BMERB1: variants seen among roughly 807,000 people sequenced by gnomAD.
The protein encoded by BMERB1 is bMERB domain-containing protein 1.
Under a neutral mutation model 23.6 loss-of-function variants are expected in BMERB1, and 12 were observed. That is an observed-to-expected ratio of 0.51 (90% CI 0.33 to 0.82). The LOEUF (loss-of-function observed/expected upper bound fraction) is 0.82. Ranked by LOEUF, BMERB1 falls within the 40% of genes least tolerant of loss-of-function variation. The pLI is 0.03. For missense variants in BMERB1, 247 were observed against 255.4 expected (o/e 0.97, Z 0.22); for synonymous variants, 122 against 96.6 (o/e 1.26, Z -1.54).
At chr16:15,511,279 T>A (rs2051661351) in intron 1 of BMERB1, among the ~76,000 whole-genome samples, 1 of 152,108 alleles carries the variant, frequency 6.6e-6, no homozygotes, top group Admixed American at 6.6e-5. Context: ...TCCTTCCTGC[T>A]TCTCTTTGAC....
chr16:15,513,359 C>G (rs1478492017), intron 1 of BMERB1, among the ~76,000 whole-genome samples: 1 of 152,064 alleles, frequency 6.6e-6, no homozygotes, highest in South Asian at 2.1e-4. Flanking sequence ...AAATAGAAAA[C>G]CGCCCCGCCT....
intron 2 of BMERB1, among the ~76,000 whole-genome samples, chr16:15,562,715 G>C (rs950877255): frequency 2.0e-5 from 3 of 152,106 alleles, no homozygotes; most frequent in Non-Finnish European, 4.4e-5. Context: ...AATGTTCCTG[G>C]GGACCAAGAT....
chr16:15,522,652 C>T (rs775912023), intron 2 of BMERB1, among the ~76,000 whole-genome samples: 10 of 152,166 alleles, frequency 6.6e-5, no homozygotes, highest in Non-Finnish European at 1.3e-4. Context: ...TGTACAGTTT[C>T]CATGAAATAG....
At chr16:15,580,243 C>T (rs1001059250) in intron 3 of BMERB1, among the ~76,000 whole-genome samples, 1 of 151,956 alleles carries the variant, frequency 6.6e-6, no homozygotes, top group Non-Finnish European at 1.5e-5. Flanking sequence ...ACTACAGGAA[C>T]ACTCCATCAC....
At position 15,520,892 on chromosome 16, in the gene BMERB1, G is replaced by A. The variant is rs898371504; in HGVS notation, c.230+5464G>A. ...TATTTCCTCAGGAAGGGACCCCCAG[G>A]CCTCTCAAAAAATATCAAAGAACTG... On this transcript the variant is annotated intron_variant, in intron 2 of 5. Coordinates refer to ENST00000300006, the MANE Select transcript of BMERB1 (RefSeq NM_033201.3). Among the ~76,000 whole-genome samples the A allele has an allele frequency of 2.0e-5, 3 of 152,052 alleles. No individual in the cohort carries two copies. In the South Asian group the frequency reaches 6.2e-4, roughly 31 times the overall value.
intron 2 of BMERB1, among the ~76,000 whole-genome samples, chr16:15,553,853 C>G (rs934114446): frequency 6.6e-6 from 1 of 152,120 alleles, no homozygotes; most frequent in African/African-American, 2.4e-5. Context: ...AGAGTGCACT[C>G]TCTCCTTGGT....
intron 3 of BMERB1, among the ~76,000 whole-genome samples, chr16:15,576,171 G>T (rs936705489): frequency 4.6e-5 from 7 of 151,798 alleles, no homozygotes; most frequent in Non-Finnish European, 1.0e-4. Context: ...AGCCTCCTGA[G>T]TAGCTGGGAC....
intron 1 of BMERB1, among the ~76,000 whole-genome samples, chr16:15,471,695 C>T (rs1229571919): frequency 1.3e-5 from 2 of 152,154 alleles, no homozygotes; most frequent in Non-Finnish European, 2.9e-5. Flanking sequence ...AAGAGATCCT[C>T]CTGTCTCAGC....
In BMERB1 at chr16:15,580,766, C is replaced by T. The variant is rs539957615; in HGVS notation, c.305-451C>T. Among the ~76,000 whole-genome samples the T allele has an allele frequency of 5.9e-5, 9 of 151,636 alleles. No individual in the cohort carries two copies. In the South Asian group the frequency reaches 6.3e-4, roughly 11 times the overall value. ...TCCACCCTGTTAGCCAGGATGGTCT[C>T]GATCTCCTGACCTCGTGATCCGCCC... On this transcript the variant is annotated intron_variant, in intron 3 of 5. Coordinates refer to ENST00000300006, the MANE Select transcript of BMERB1 (RefSeq NM_033201.3).
chr16:15,573,788 G>C (rs185503621), intron 3 of BMERB1, among the ~76,000 whole-genome samples: 1 of 151,598 alleles, frequency 6.6e-6, no homozygotes, highest in Admixed American at 6.6e-5. Flanking sequence ...TGGGTATAAC[G>C]GAAAGAGGTT....
intron 3 of BMERB1, among the ~76,000 whole-genome samples, chr16:15,580,516 T>A (rs1393966752): frequency 6.6e-6 from 1 of 151,458 alleles, no homozygotes; most frequent in Non-Finnish European, 1.5e-5. Flanking sequence ...CAGAGTCAGG[T>A]CTCCAATCAA....
intron 1 of BMERB1, among the ~76,000 whole-genome samples, chr16:15,461,965 G>T (rs974367369): frequency 3.3e-5 from 5 of 151,764 alleles, no homozygotes; most frequent in Non-Finnish European, 7.4e-5. Context: ...AACAGCAGCA[G>T]CAACAACAAA....
chr16:15,544,758 A>G (rs374022893), intron 2 of BMERB1, among the ~76,000 whole-genome samples: 1 of 152,208 alleles, frequency 6.6e-6, no homozygotes. Context: ...ATCACCCAAT[A>G]GCCCCATTTC....
Position 15,583,237 on chromosome 16 carries a change from C to T in BMERB1, c.501C>T (p.Ala167=). 1.3e-6 allele frequency: 2 copies of T among 1,598,794 alleles called. No individual in the cohort carries two copies. The highest frequency in any genetic ancestry group is 1.1e-5 in the South Asian group (1 of 90,772). Residue 167 remains alanine (A), a splice_region_variant and synonymous_variant, in exon 5 of 6, where the codon GCC becomes GCT. Transcript: ENST00000300006. ...TAGACAAAGTAACCAAATCTCCAGC[C>T]AGTGAGTATATACATTATTCATTCC... ...KPLDKVTKSP[A]SSRAEKKAEP... is the part of the protein sequence containing the mutation.
intron 5 of BMERB1, among the ~76,000 whole-genome samples, chr16:15,585,547 C>T (rs2031119765): frequency 6.6e-6 from 1 of 152,038 alleles, no homozygotes; most frequent in Non-Finnish European, 1.5e-5. Flanking sequence ...AAATGAAAAA[C>T]CCGGCCGGGC....
chr16:15,490,619 G>A (rs2051411668), intron 1 of BMERB1, among the ~76,000 whole-genome samples: 1 of 152,104 alleles, frequency 6.6e-6, no homozygotes, highest in Non-Finnish European at 1.5e-5. Context: ...TCTTGTCCAG[G>A]TGTGATCCTG....
chr16:15,522,689 A>C (rs1019464315), intron 2 of BMERB1, among the ~76,000 whole-genome samples: 1 of 152,094 alleles, frequency 6.6e-6, no homozygotes, highest in Admixed American at 6.6e-5. Context: ...GAAATGGGAA[A>C]AGTTCCCTTG....
At chr16:15,550,200 G>T (rs1036777060) in intron 2 of BMERB1, among the ~76,000 whole-genome samples, 1 of 151,942 alleles carries the variant, frequency 6.6e-6, no homozygotes, top group African/African-American at 2.4e-5. Context: ...TCGGCCTCCC[G>T]AAGTGCTGGG....
chr16:15,518,648 G>T (rs2051807092), intron 2 of BMERB1, among the ~76,000 whole-genome samples: 1 of 152,176 alleles, frequency 6.6e-6, no homozygotes, highest in Non-Finnish European at 1.5e-5. Context: ...CTTATCCTGT[G>T]AGTGTGTCCT....
Sources: allele counts gnomAD v4.1 joint callset (sites outside exome capture counted in the v4.1 genomes callset), GRCh38; gene constraint gnomAD v4.1.1; transcripts MANE v1.5; gene names NCBI Gene and HGNC (gene_info 2026-07-23, HGNC 2026-07-21).